Variants in ATRX observed in about 807,000 individuals in gnomAD.
ATRX encodes the protein ATRX chromatin remodeler, also known as chromatin remodeler ATRX.
Under a neutral mutation model 172.6 loss-of-function variants are expected in ATRX, and 12 were observed. The ratio of observed to expected loss-of-function variants is 0.07; its 90% CI spans 0.04 to 0.11. The LOEUF (loss-of-function observed/expected upper bound fraction) is 0.11. ATRX is among the 10% of genes least tolerant of loss of function. The pLI is 1.00. For missense variants in ATRX, 1,368 were observed against 1,767.4 expected, an observed-to-expected ratio of 0.77 and a Z score of 4.05; for synonymous variants, 674 against 594.7, an observed-to-expected ratio of 1.13 and a Z score of -1.94.
chrX:77,509,678 C>T (rs1313404200), intron 34 of ATRX, among the ~76,000 whole-genome samples: 1 of 110,898 alleles, frequency 9.0e-6, no homozygotes, highest in Non-Finnish European at 1.9e-5. Context: ...GCTGCCCTGT[C>T]ACAGTGAAAA....
intron 1 of ATRX, among the ~76,000 whole-genome samples, chrX:77,733,833 G>C (rs980613017): frequency 1.9e-4 from 21 of 107,760 alleles, no homozygotes; most frequent in African/African-American, 6.8e-4. Context: ...GCAGTGAGGG[G>C]AGATAGCACC....
chrX:77,659,482 TACACACACACACACACAC>T (rs72145948), intron 12 of ATRX, among the ~76,000 whole-genome samples: 3 of 88,467 alleles, frequency 3.4e-5, no homozygotes, highest in South Asian at 6.1e-4. Context: ...TTTCTCTCTC[TACACACACACACACACAC>T]ACACACACAC....
intron 19 of ATRX, among the ~76,000 whole-genome samples, chrX:77,628,523 G>C (rs2067973118): frequency 8.9e-6 from 1 of 112,437 alleles, no homozygotes; most frequent in East Asian, 2.8e-4. Flanking sequence ...AAAGATATTA[G>C]AGAGAAAAGT....
intron 12 of ATRX, among the ~76,000 whole-genome samples, chrX:77,658,661 G>A (rs2069687132): frequency 8.9e-6 from 1 of 112,141 alleles, no homozygotes; most frequent in African/African-American, 3.2e-5. Context: ...TTGTACATAT[G>A]TGAAAACAGT....
At chrX:77,597,872 C>T (rs1160168857) in intron 25 of ATRX, among the ~76,000 whole-genome samples, 3 of 112,225 alleles carry the variant, frequency 2.7e-5, no homozygotes, top group Non-Finnish European at 5.6e-5. Context: ...CTATGGAAGG[C>T]AGTTTAGAGA....
chrX:77,651,375 A>C (rs1313708068), intron 15 of ATRX, among the ~76,000 whole-genome samples: 1 of 111,372 alleles, frequency 9.0e-6, no homozygotes, highest in African/African-American at 3.3e-5. Flanking sequence ...CATTTAAAAA[A>C]CTGAAATCTT....
intron 30 of ATRX, among the ~76,000 whole-genome samples, chrX:77,552,885 C>T (rs1420929036): frequency 9.0e-6 from 1 of 110,929 alleles, no homozygotes; most frequent in East Asian, 2.8e-4. Context: ...AAAAGAAGTG[C>T]TTTCGGGACT....
At chrX:77,709,270 A>G (rs1195318912) in intron 2 of ATRX, among the ~76,000 whole-genome samples, 1 of 112,316 alleles carries the variant, frequency 8.9e-6, no homozygotes, top group Non-Finnish European at 1.9e-5. Flanking sequence ...AAGTAAATGC[A>G]AATTAAAACC....
chrX:77,541,096 G>A (rs1234424577), intron 30 of ATRX, among the ~76,000 whole-genome samples: 2 of 111,326 alleles, frequency 1.8e-5, no homozygotes, highest in African/African-American at 6.5e-5. Flanking sequence ...AGAAAGGAGA[G>A]AAGAATCAAA....
intron 10 of ATRX, among the ~76,000 whole-genome samples, chrX:77,672,896 T>C (rs781943414): frequency 2.1e-4 from 24 of 111,671 alleles, no homozygotes; most frequent in African/African-American, 7.8e-4. Context: ...TCTTTTGCTC[T>C]CAAAAGCTCA....
intron 19 of ATRX, among the ~76,000 whole-genome samples, chrX:77,628,303 T>G (rs1557104204): frequency 8.8e-6 from 1 of 113,009 alleles, no homozygotes; most frequent in African/African-American, 3.2e-5. Context: ...ATGTGGAACA[T>G]TCTTCTAAAA....
intron 30 of ATRX, among the ~76,000 whole-genome samples, chrX:77,542,064 A>T (rs1455239224): frequency 9.0e-6 from 1 of 111,583 alleles, no homozygotes; most frequent in Non-Finnish European, 1.9e-5. Flanking sequence ...TATTTAGAAA[A>T]CCCCATCGCC....
At chrX:77,532,461 T>C (rs189883571) in intron 30 of ATRX, among the ~76,000 whole-genome samples, 4 of 111,138 alleles carry the variant, frequency 3.6e-5, no homozygotes, top group Admixed American at 2.9e-4. Context: ...TGGAATGGAA[T>C]AGAATAGAGA....
At chrX:77,680,266 C>G (rs2071113784) in intron 9 of ATRX, among the ~76,000 whole-genome samples, 1 of 111,925 alleles carries the variant, frequency 8.9e-6, no homozygotes, top group South Asian at 3.7e-4. Context: ...CTTGAAGTTA[C>G]AATAGCCACA....
rs371007578 is a variant in ATRX, at chrX:77,733,456, C to T, written c.21-16213G>A. Among the ~76,000 whole-genome samples, 6 of 111,014 alleles carry T rather than the reference C, an allele frequency of 5.4e-5. No homozygotes were observed. The East Asian group carries it at 1.7e-3, about 31-fold the overall frequency. On this transcript the variant is annotated intron_variant, in intron 1 of 34. Transcript: ENST00000373344. ...CATGATTCTGGCATAAAAGCAGACA[C>T]ATAAACCAATGGACAGAATACAGAA...
rs1557032964 is a variant in ATRX, at chrX:77,506,356, CCTT to C, written c.*1992_*1994del. Reference sequence around the variant, plus strand: ...TTTCAAACTCTGATTTCCAATTAACCCTTCTAAGTATTATTCTTTAAGTTATAG... The same window carrying C: ...TTTCAAACTCTGATTTCCAATTAACCCTAAGTATTATTCTTTAAGTTATAG... On this transcript the variant is annotated 3_prime_UTR_variant, in exon 35 of 35. Coordinates refer to ENST00000373344, the MANE Select transcript of ATRX (RefSeq NM_000489.6). 1.2e-5 allele frequency: 2 copies of C among 171,259 alleles called. No homozygotes were observed. Among genetic ancestry groups the C allele is most frequent in the African/African-American group, 3.0e-5 (1 of 33,638 alleles). 14.1% of individuals were successfully genotyped at this position (171,259 alleles called of 1,213,427 possible). A position where few individuals can be genotyped will look rare whatever the true frequency, so the allele number is the denominator to read the frequency against.
chrX:77,569,523 AAAAC>A (rs201644912), intron 28 of ATRX, among the ~76,000 whole-genome samples: 1,547 of 112,019 alleles, frequency 0.014, 26 homozygotes, highest in African/African-American at 0.047. Context: ...AGAAATCTAT[AAAAC>A]AAACTCCTAG....
intron 30 of ATRX, among the ~76,000 whole-genome samples, chrX:77,551,360 T>C (rs1475894041): frequency 2.7e-5 from 3 of 111,655 alleles, no homozygotes; most frequent in Non-Finnish European, 5.7e-5. Context: ...AAACAAGAAA[T>C]GGGGAAAGGA....
At chrX:77,765,649 T>G (rs782274562) in intron 1 of ATRX, among the ~76,000 whole-genome samples, 1 of 111,257 alleles carries the variant, frequency 9.0e-6, no homozygotes, top group East Asian at 2.8e-4. Flanking sequence ...AACTGCAACC[T>G]CAGGAGAGCT....
Sources: gnomAD v4.1 joint callset for allele counts (sites outside exome capture counted in the v4.1 genomes callset) on GRCh38, gnomAD v4.1.1 for gene constraint, MANE v1.5 for transcripts, NCBI Gene and HGNC (gene_info 2026-07-23, HGNC 2026-07-21) for gene names.